The following PNLIPRP1 variants were observed in gnomAD, a reference collection of about 807,000 sequenced individuals.
PNLIPRP1 encodes the protein inactive pancreatic lipase-related protein 1.
In PNLIPRP1, 57 loss-of-function variants were observed where a neutral mutation model predicts 54.6. The observed-to-expected ratio is 1.04, with a 90% CI of 0.84 to 1.30. The LOEUF (loss-of-function observed/expected upper bound fraction) is 1.30. Ranked by LOEUF, PNLIPRP1 falls within the 50% of genes most tolerant of loss-of-function variation. The pLI is 0.00. For synonymous variants in PNLIPRP1, 232 were observed against 208.8 expected (o/e 1.11, Z -0.96); for missense variants, 567 against 568.5 (o/e 1.00, Z 0.03).
chr10:116,598,198 C>T (rs555199166), intron 8 of PNLIPRP1, 32 bp downstream of exon 8: 34 of 1,594,710 alleles, frequency 2.1e-5, no homozygotes, highest in African/African-American at 1.1e-4. Flanking sequence ...GGGAGCAGGG[C>T]GGGTACTTTC....
At chr10:116,592,017 C>A in intron 3 of PNLIPRP1, 92 bp downstream of exon 3, 1 of 1,371,146 alleles carries the variant, frequency 7.3e-7, no homozygotes, top group South Asian at 1.3e-5. Flanking sequence ...TGCCCTCTTC[C>A]TCCACCATGC....
chr10:116,600,203 C>A, intron 9 of PNLIPRP1, 38 bp downstream of exon 9: 2 of 1,304,342 alleles, frequency 1.5e-6, no homozygotes, highest in Non-Finnish European at 2.2e-6. Flanking sequence ...AAGCATCACC[C>A]CTCTGAGGGA....
intron 10 of PNLIPRP1, 41 bp downstream of exon 10, chr10:116,601,242 T>C (rs1164763107): frequency 1.9e-6 from 3 of 1,574,682 alleles, no homozygotes; most frequent in South Asian, 1.2e-5. Context: ...AAAGAAAGTA[T>C]ATAGTTTCTG....
Position 116,594,853 on chromosome 10 carries a change from G to T in PNLIPRP1, c.454G>T (p.Asp152Tyr), listed in dbSNP as rs377122096. ...VVGAQVAQML[D>Y]ILLTEYSYPP... The stretch of plus-strand genomic sequence containing the variant: ...GGGCGCCCAGGTGGCCCAGATGCTC[G>T]ACATCCTCTTGGTGAGTCAGCTGGC... Residue 152 changes from aspartate (D) to tyrosine (Y), a missense_variant, in exon 5 of 13, where the codon GAC (aspartate) becomes TAC (tyrosine). By Grantham distance (160) the Asp-to-Tyr change is radical (BLOSUM62 -3). Transcript: ENST00000358834. 1.2e-6 allele frequency: 2 copies of T among 1,613,946 alleles called. No homozygotes were observed. Among genetic ancestry groups the T allele is most frequent in the Admixed American group, 3.3e-5 (2 of 60,018 alleles).
At position 116,601,188 on chromosome 10, in the gene PNLIPRP1, T is replaced by C; in HGVS notation, c.1050T>C (p.Ala350=). 6.2e-7 allele frequency: 1 copy of C among 1,612,912 alleles called. No individual in the cohort carries two copies. The highest frequency in any genetic ancestry group is 1.1e-5 in the South Asian group (1 of 90,662). Residue 350 remains alanine (A), a synonymous_variant, in exon 10 of 13, where the codon GCT becomes GCC. Coordinates refer to ENST00000358834, the MANE Select transcript of PNLIPRP1 (RefSeq NM_006229.4). ...AATTCTTCTTGAACACAGGAGAGGC[T>C]AGCAATTTCGCTCGTAAGTTGCACT... The part of the protein sequence containing the change: ...QQKFFLNTGE[A]SNFARWRYGV...
At chr10:116,592,791 C>T in intron 4 of PNLIPRP1, 1 of 538,860 alleles carries the variant, frequency 1.9e-6, no homozygotes, top group South Asian at 1.8e-5. Flanking sequence ...CTGATGTTTT[C>T]TGCTTCCATT....
At chr10:116,607,902 T>C (rs1206536406) in intron 12 of PNLIPRP1, among the ~76,000 whole-genome samples, 11 of 152,228 alleles carry the variant, frequency 7.2e-5, no homozygotes, top group Admixed American at 7.2e-4. Context: ...TTGCCCAGGC[T>C]AGAGTACAGT....
Position 116,592,410 on chromosome 10 carries a change from T to C in PNLIPRP1, c.205-6T>C. 1.3e-6 allele frequency: 2 copies of C among 1,597,486 alleles called. No individual in the cohort carries two copies. Among genetic ancestry groups the C allele is most frequent in the Non-Finnish European group, 1.7e-6 (2 of 1,169,460 alleles). On this transcript the variant is annotated splice_region_variant and splice_polypyrimidine_tract_variant and intron_variant, in intron 3 of 12. Coordinates refer to ENST00000358834, the MANE Select transcript of PNLIPRP1 (RefSeq NM_006229.4). ...AAAACATGAAGCACTTCTGCGTCTG[T>C]CACAGATTCTCCTCCTCTCTGATCC...
At position 116,596,228 on chromosome 10, in the gene PNLIPRP1, C is replaced by T; in HGVS notation, c.480C>T (p.Tyr160=). The T allele has an allele frequency of 1.2e-6, 2 of 1,610,334 alleles. No homozygotes were observed. The highest frequency in any genetic ancestry group is 1.1e-5 in the South Asian group (1 of 90,966). The change falls in exon 6 of 13, where the codon TAC becomes TAT. Residue 160 remains tyrosine (Y), a synonymous_variant. Transcript: ENST00000358834. The part of the protein sequence containing the change: ...MLDILLTEYS[Y]PPSKVHLIGH... ...TCCCTCTCCAGACAGAGTATAGCTA[C>T]CCCCCTTCCAAAGTTCACCTCATTG...
intron 11 of PNLIPRP1, 138 bp downstream of exon 11, chr10:116,604,276 AG>A: frequency 1.8e-6 from 1 of 543,828 alleles, no homozygotes; most frequent in Non-Finnish European, 3.3e-6. Flanking sequence ...ACAACATTTT[AG>A]TTGATGGACC....
chr10:116,601,141 A>T lies in PNLIPRP1; in HGVS notation c.1003A>T (p.Arg335Trp). ...MGHYADKFAG[R>W]TSEEQQKFFL... is the part of the protein sequence containing the mutation. Reference sequence around the variant, plus strand: ...TCACTATGCTGATAAATTTGCTGGCAGGACAAGTGAAGAGCAGCAGAAATT... The same window carrying T: ...TCACTATGCTGATAAATTTGCTGGCTGGACAAGTGAAGAGCAGCAGAAATT... Residue 335 changes from arginine to tryptophan, a missense_variant, in exon 10 of 13, where the codon AGG becomes TGG. Arg to Trp is a moderately radical substitution (Grantham distance 101). Coordinates refer to ENST00000358834, the MANE Select transcript of PNLIPRP1 (RefSeq NM_006229.4). 14 of 1,614,124 alleles carry T rather than the reference A, an allele frequency of 8.7e-6. No homozygotes were observed. The highest frequency in any genetic ancestry group is 1.2e-5 in the Non-Finnish European group (14 of 1,179,966).
Position 116,596,337 on chromosome 10 carries a change from G to T in PNLIPRP1, c.574+15G>T. On this transcript the variant is annotated intron_variant, in intron 6 of 12. Coordinates refer to ENST00000358834, the MANE Select transcript of PNLIPRP1 (RefSeq NM_006229.4). ...CAGGATTACAGGTAAGGCCCCAGAG[G>T]CAGGGCCCCAGTTTTGTCCCCAGAA... 6.6e-7 allele frequency: 1 copy of T among 1,519,330 alleles called. No individual in the cohort carries two copies. The highest frequency in any genetic ancestry group is 9.1e-7 in the Non-Finnish European group (1 of 1,097,162). 94.1% of individuals were successfully genotyped at this position (1,519,330 alleles called of 1,614,324 possible). A position where few individuals can be genotyped will look rare whatever the true frequency, so the allele number is the denominator to read the frequency against.
chr10:116,607,607 G>A (rs868932172), intron 12 of PNLIPRP1, among the ~76,000 whole-genome samples: 1 of 152,042 alleles, frequency 6.6e-6, no homozygotes, highest in Non-Finnish European at 1.5e-5. Context: ...GGAGGCCTCC[G>A]ATGCCAAGTT....
At chr10:116,605,058 A>G (rs1465040495) in intron 11 of PNLIPRP1, among the ~76,000 whole-genome samples, 2 of 152,140 alleles carry the variant, frequency 1.3e-5, no homozygotes, top group African/African-American at 2.4e-5. Flanking sequence ...CTGTTTTCTG[A>G]TTAGTGCAAT....
At chr10:116,594,567 C>T (rs1847700262) in intron 4 of PNLIPRP1, 163 bp from the exon 5 acceptor site, 1 of 743,978 alleles carries the variant, frequency 1.3e-6, no homozygotes, top group African/African-American at 1.7e-5. Flanking sequence ...TAGCATTCAC[C>T]CTGAAGGATA....
intron 12 of PNLIPRP1, among the ~76,000 whole-genome samples, chr10:116,606,797 GC>G (rs1381904318): frequency 1.3e-5 from 2 of 152,122 alleles, no homozygotes; most frequent in African/African-American, 4.8e-5. Flanking sequence ...GAGGTCCTGT[GC>G]CCATCAGCTG....
Position 116,592,489 on chromosome 10 carries a change from T to C in PNLIPRP1, c.278T>C (p.Ile93Thr). 6.2e-7 allele frequency: 1 copy of C among 1,614,142 alleles called. No homozygotes were observed. The highest frequency in any genetic ancestry group is 8.5e-7 in the Non-Finnish European group (1 of 1,180,000). The change falls in exon 4 of 13, where the codon ATC (isoleucine) becomes ACC (threonine). Residue 93 changes from isoleucine to threonine, a missense_variant. Transcript: ENST00000358834. ...FQMDRKTRFI[I>T]HGFIDKGDES... ...ATGGACAGAAAGACCCGGTTCATCA[T>C]CCATGGCTTCATAGACAAAGGAGAT... is the stretch of plus-strand genomic sequence containing the variant.
chr10:116,597,864 C>T lies in PNLIPRP1; in HGVS notation c.611C>T (p.Pro204Leu), dbSNP rs1847763556. 1 of 1,614,054 alleles carries T rather than the reference C, an allele frequency of 6.2e-7. No homozygotes were observed. The highest frequency in any genetic ancestry group is 8.5e-7 in the Non-Finnish European group (1 of 1,180,032). The stretch of plus-strand genomic sequence containing the variant: ...GTAGAAGCAAGTTTCGAGAGTACTC[C>T]TGAAGAGGTGCGACTTGATCCCTCT... The part of the protein sequence containing the change: ...DPVEASFEST[P>L]EEVRLDPSDA... Residue 204 changes from proline to leucine, a missense_variant, in exon 7 of 13, where the codon CCT becomes CTT. Coordinates refer to ENST00000358834, the MANE Select transcript of PNLIPRP1 (RefSeq NM_006229.4).
intron 9 of PNLIPRP1, chr10:116,600,463 G>A (rs1284228623): frequency 3.6e-6 from 1 of 280,110 alleles, no homozygotes; most frequent in African/African-American, 2.2e-5. Flanking sequence ...GCTTAAAAAT[G>A]ATACAGTTTA....
Sources: allele counts gnomAD v4.1 joint callset (sites outside exome capture counted in the v4.1 genomes callset), GRCh38; gene constraint gnomAD v4.1.1; transcripts MANE v1.5; gene names NCBI Gene and HGNC (gene_info 2026-07-23, HGNC 2026-07-21).